CEP57L1: variants seen among roughly 807,000 people sequenced by gnomAD.
CEP57L1 encodes centrosomal protein CEP57L1.
In CEP57L1, 37 loss-of-function variants were observed where a neutral mutation model predicts 61.0. The ratio of observed to expected loss-of-function variants is 0.61; its 90% CI spans 0.47 to 0.80. The LOEUF is 0.80. CEP57L1 is among the 30% of genes least tolerant of loss of function. CEP57L1 has a pLI of 0.00. For synonymous variants in CEP57L1, 137 were observed against 162.3 expected, an observed-to-expected ratio of 0.84 and a Z score of 1.19; for missense variants, 422 against 524.7, an observed-to-expected ratio of 0.80 and a Z score of 1.91.
chr6:109,147,001 A>AC, intron 3 of CEP57L1, 64 bp downstream of exon 3: 3 of 1,342,640 alleles, frequency 2.2e-6, no homozygotes, highest in Non-Finnish European at 3.1e-6. Context: ...AAAATAATAA[A>AC]CCTAGTCTAA....
chr6:109,142,587 GAATA>G (rs1014663076), intron 1 of CEP57L1, among the ~76,000 whole-genome samples: 5 of 145,028 alleles, frequency 3.4e-5, no homozygotes, highest in Admixed American at 2.1e-4. Flanking sequence ...TTTGTTGTTA[GAATA>G]AATAAAGAAA....
At chr6:109,103,158 T>C (rs1265042561) in intron 1 of CEP57L1, among the ~76,000 whole-genome samples, 2 of 152,224 alleles carry the variant, frequency 1.3e-5, no homozygotes, top group Non-Finnish European at 2.9e-5. Flanking sequence ...ACTGAAGCCA[T>C]GTAAACTTAA....
intron 10 of CEP57L1, among the ~76,000 whole-genome samples, chr6:109,161,048 C>G (rs562562943): frequency 1.3e-5 from 2 of 152,220 alleles, no homozygotes; most frequent in East Asian, 3.9e-4. Flanking sequence ...TTTTCCTTCT[C>G]TCCTCTAATG....
Position 109,166,191 on chromosome 6 carries a change from T to G in CEP57L1, c.*3221T>G, listed in dbSNP as rs1774088607. ...GGGAAATGTTCAGTTTTCAACAATG[T>G]AAGATTAAAGTGGGAGATACTTAGT... On this transcript the variant is annotated 3_prime_UTR_variant, in exon 11 of 11. Transcript: ENST00000517392. Among the ~76,000 whole-genome samples, 1 of 152,174 alleles carries G rather than the reference T, an allele frequency of 6.6e-6. No homozygotes were observed. Among genetic ancestry groups the G allele is most frequent in the African/African-American group, 2.4e-5 (1 of 41,444 alleles).
At position 109,114,015 on chromosome 6, in the gene CEP57L1, A is replaced by C. The variant is rs1771989267; in HGVS notation, c.-4+18440A>C. Among the ~76,000 whole-genome samples the C allele has an allele frequency of 2.6e-5, 4 of 152,150 alleles. No homozygotes were observed. In the South Asian group the frequency reaches 8.3e-4, roughly 32 times the overall value. On this transcript the variant is annotated intron_variant, in intron 1 of 10. Coordinates refer to ENST00000517392, the MANE Select transcript of CEP57L1 (RefSeq NM_001271852.3). ...TATTGTGAATAATGCTGCAGTGAACATGGGAGTGCAGACACCCCTTTCTGT... is the reference window on the plus strand; with the variant it reads ...TATTGTGAATAATGCTGCAGTGAACCTGGGAGTGCAGACACCCCTTTCTGT...
At position 109,095,590 on chromosome 6, in the gene CEP57L1, C is replaced by G; in HGVS notation, c.-4+15C>G. On this transcript the variant is annotated intron_variant, in intron 1 of 10. Coordinates refer to ENST00000517392, the MANE Select transcript of CEP57L1 (RefSeq NM_001271852.3). ...GCGTCTGCTTGGTAAGCACTGTAAG[C>G]TGGGTTGTCACCTTTCCTTGACAGG... 1 of 985,634 alleles carries G rather than the reference C, an allele frequency of 1.0e-6. No homozygotes were observed. The highest frequency in any genetic ancestry group is 1.2e-6 in the Non-Finnish European group (1 of 829,726). 61.1% of individuals were successfully genotyped at this position (985,634 alleles called of 1,614,324 possible). A position where few individuals can be genotyped will look rare whatever the true frequency, so the allele number is the denominator to read the frequency against.
At chr6:109,112,216 A>C (rs1032900184) in intron 1 of CEP57L1, among the ~76,000 whole-genome samples, 10 of 152,130 alleles carry the variant, frequency 6.6e-5, no homozygotes, top group Non-Finnish European at 1.3e-4. Context: ...TTATTGGTCT[A>C]TTCCGGGATT....
intron 1 of CEP57L1, among the ~76,000 whole-genome samples, chr6:109,106,820 A>G (rs533044731): frequency 3.3e-5 from 5 of 152,234 alleles, no homozygotes; most frequent in African/African-American, 1.2e-4. Context: ...CACACCTGTA[A>G]TCCCAGCTAC....
intron 4 of CEP57L1, among the ~76,000 whole-genome samples, chr6:109,151,227 T>C (rs150489818): frequency 6.6e-6 from 1 of 152,228 alleles, no homozygotes; most frequent in Admixed American, 6.5e-5. Context: ...ACATAACAGA[T>C]TTTTAAGGAA....
intron 1 of CEP57L1, among the ~76,000 whole-genome samples, chr6:109,101,630 T>C (rs1369018669): frequency 6.6e-6 from 1 of 150,914 alleles, no homozygotes; most frequent in South Asian, 2.1e-4. Flanking sequence ...TTTCTTTTTT[T>C]TTTTTTTTGA....
At chr6:109,140,707 A>G in intron 1 of CEP57L1, 1 of 151,628 alleles carries the variant, frequency 6.6e-6, no homozygotes, top group South Asian at 2.1e-4. Flanking sequence ...TATATGTTGT[A>G]TTAATTTTAA....
chr6:109,161,444 G>C (rs7767494), intron 10 of CEP57L1, among the ~76,000 whole-genome samples: 27,561 of 152,048 alleles, frequency 0.18, 3,251 homozygotes, highest in African/African-American at 0.33. Context: ...TAGCCATCTG[G>C]CTATGGACAA....
chr6:109,138,633 T>G (rs1380464412), intron 1 of CEP57L1, among the ~76,000 whole-genome samples: 1 of 152,226 alleles, frequency 6.6e-6, no homozygotes, highest in African/African-American at 2.4e-5. Flanking sequence ...GTCAGCTATG[T>G]ATGTGTGCTT....
In CEP57L1 at chr6:109,145,357, A is replaced by G. The variant is rs1276993119; in HGVS notation, c.136A>G (p.Ile46Val). The G allele has an allele frequency of 3.1e-6, 5 of 1,607,406 alleles. No homozygotes were observed. Among genetic ancestry groups the G allele is most frequent in the Non-Finnish European group, 4.2e-6 (5 of 1,176,568 alleles). The change falls in exon 2 of 11, where the codon ATA (isoleucine) becomes GTA (valine). Residue 46 changes from isoleucine (I) to valine (V), a missense_variant. By Grantham distance (29) the Ile-to-Val change is conservative. Transcript: ENST00000517392. ...PANLEVTSPK[I>V]LHSPNSQALI... Reference sequence around the variant, plus strand: ...AAACTTAGAAGTTACCTCTCCTAAGATACTTCATAGCCCAAATAGCCAAGG... The same window carrying G: ...AAACTTAGAAGTTACCTCTCCTAAGGTACTTCATAGCCCAAATAGCCAAGG...
chr6:109,107,141 TAAGC>T (rs1771034383), intron 1 of CEP57L1, among the ~76,000 whole-genome samples: 1 of 152,228 alleles, frequency 6.6e-6, no homozygotes, highest in Non-Finnish European at 1.5e-5. Flanking sequence ...TCTTCCTAAG[TAAGC>T]AACTTTTGTG....
At chr6:109,162,221 A>G (rs1234419157) in intron 10 of CEP57L1, among the ~76,000 whole-genome samples, 1 of 152,122 alleles carries the variant, frequency 6.6e-6, no homozygotes, top group Non-Finnish European at 1.5e-5. Flanking sequence ...ACACATATAT[A>G]TACATATACA....
chr6:109,117,541 G>A (rs960751516), intron 1 of CEP57L1, among the ~76,000 whole-genome samples: 4 of 152,168 alleles, frequency 2.6e-5, no homozygotes, highest in Non-Finnish European at 5.9e-5. Context: ...ATCTGTACTA[G>A]TTTAGAGCAA....
At chr6:109,155,729 C>T in intron 6 of CEP57L1, 62 bp from the exon 7 acceptor site, 1 of 811,634 alleles carries the variant, frequency 1.2e-6, no homozygotes, top group Non-Finnish European at 2.0e-6. Flanking sequence ...GACCTGATAT[C>T]TCATTACAGT....
upstream of CEP57L1, chr6:109,095,424 G>C (rs1241973855): frequency 1.0e-6 from 1 of 985,728 alleles, no homozygotes. Context: ...GGACGTCTTC[G>C]CGTTGACTTG....
Sources: allele counts gnomAD v4.1 joint callset (sites outside exome capture counted in the v4.1 genomes callset), GRCh38; gene constraint gnomAD v4.1.1; transcripts MANE v1.5; gene names NCBI Gene and HGNC (gene_info 2026-07-23, HGNC 2026-07-21).